The following SUSD6 variants were observed in gnomAD, a reference collection of about 807,000 sequenced individuals.
SUSD6 encodes the protein sushi domain-containing protein 6.
A neutral mutation model predicts 28.4 loss-of-function variants in SUSD6; 16 were observed. That is an observed-to-expected ratio of 0.56 (90% CI 0.38 to 0.86). The LOEUF is 0.86. Among genes scored for constraint, SUSD6 ranks in the 40% least tolerant of loss-of-function variants. The pLI is 0.00. For missense variants in SUSD6, 341 were observed against 384.2 expected (o/e 0.89, Z 0.94); for synonymous variants, 147 against 159.6 (o/e 0.92, Z 0.59).
chr14:69,619,784 CA>C (rs887766709), intron 1 of SUSD6, among the ~76,000 whole-genome samples: 9 of 150,088 alleles, frequency 6.0e-5, no homozygotes, highest in Admixed American at 2.0e-4. Flanking sequence ...AACAAACAAA[CA>C]AAAAAAAACC....
Position 69,644,460 on chromosome 14 carries a change from G to A in SUSD6, c.-80-14053G>A, listed in dbSNP as rs919327202. 8.5e-5 allele frequency among the ~76,000 whole-genome samples: 13 copies of A among 152,204 alleles called. No individual in the cohort carries two copies. In the East Asian group the frequency reaches 2.3e-3, roughly 27 times the overall value. On this transcript the variant is annotated intron_variant, in intron 1 of 5. Coordinates refer to ENST00000342745, the MANE Select transcript of SUSD6 (RefSeq NM_014734.4). The stretch of plus-strand genomic sequence containing the variant: ...AGGTCAAGAGATCGAGACCATCCTG[G>A]CCAACATGGTGAAACCCTGTCTCTT...
intron 1 of SUSD6, chr14:69,617,637 T>C (rs915292193): frequency 6.6e-6 from 1 of 152,250 alleles, no homozygotes; most frequent in Non-Finnish European, 1.5e-5. Flanking sequence ...GGATTTTCAA[T>C]GCGAAGCCTC....
At chr14:69,696,515 G>C (rs958129795) in intron 2 of SUSD6, among the ~76,000 whole-genome samples, 1 of 152,248 alleles carries the variant, frequency 6.6e-6, no homozygotes, top group East Asian at 1.9e-4. Flanking sequence ...TATAAGAAAG[G>C]GTTTTGAGAG....
At chr14:69,682,181 C>G (rs576811821) in intron 2 of SUSD6, among the ~76,000 whole-genome samples, 1 of 152,118 alleles carries the variant, frequency 6.6e-6, no homozygotes, top group Non-Finnish European at 1.5e-5. Context: ...GAAAAAAATT[C>G]TGAAATTTAG....
chr14:69,646,897 T>C (rs1885435914), intron 1 of SUSD6, among the ~76,000 whole-genome samples: 1 of 152,136 alleles, frequency 6.6e-6, no homozygotes, highest in East Asian at 1.9e-4. Flanking sequence ...GAGACGGGGT[T>C]TCACCATGTT....
chr14:69,707,592 C>T (rs1886403778), intron 4 of SUSD6, among the ~76,000 whole-genome samples: 1 of 151,818 alleles, frequency 6.6e-6, no homozygotes, highest in South Asian at 2.1e-4. Flanking sequence ...TCCGTCTCTA[C>T]AAAAAATTGG....
intron 2 of SUSD6, among the ~76,000 whole-genome samples, chr14:69,662,319 G>T (rs1885675121): frequency 6.6e-6 from 1 of 152,146 alleles, no homozygotes; most frequent in Non-Finnish European, 1.5e-5. Flanking sequence ...AGATACCACA[G>T]TCATCATAAT....
At chr14:69,620,019 C>T (rs1325847069) in intron 1 of SUSD6, among the ~76,000 whole-genome samples, 2 of 152,238 alleles carry the variant, frequency 1.3e-5, no homozygotes, top group African/African-American at 4.8e-5. Context: ...CTTTCCCCAT[C>T]CCAGAAAGCC....
rs1035699280 is a variant in SUSD6 at position 69,714,035 on chromosome 14, G to A, written c.*3056G>A. 10 of 152,132 alleles carry A rather than the reference G, an allele frequency of 6.6e-5. No homozygotes were observed. The highest frequency in any genetic ancestry group is 3.9e-4 in the East Asian group (2 of 5,178). 9.4% of individuals were successfully genotyped at this position (152,132 alleles called of 1,614,324 possible). A position where few individuals can be genotyped will look rare whatever the true frequency, so the allele number is the denominator to read the frequency against. ...TCTGTATTTTATGTGCTGTGTTCCCGTTTCACTGGGTATGAACTGTGAAAT... is the reference window on the plus strand; with the variant it reads ...TCTGTATTTTATGTGCTGTGTTCCCATTTCACTGGGTATGAACTGTGAAAT... On this transcript the variant is annotated 3_prime_UTR_variant, in exon 6 of 6. Coordinates refer to ENST00000342745, the MANE Select transcript of SUSD6 (RefSeq NM_014734.4).
chr14:69,629,587 C>T lies in SUSD6; in HGVS notation c.-81+17759C>T, dbSNP rs529248464. Among the ~76,000 whole-genome samples the T allele has an allele frequency of 1.1e-4, 16 of 152,336 alleles. 1 individual carries two copies. In the South Asian group the frequency reaches 2.9e-3, roughly 28 times the overall value. On this transcript the variant is annotated intron_variant, in intron 1 of 5. Transcript: ENST00000342745. Reference sequence around the variant, plus strand: ...TTCCCTCTGAGTGACCTCTGGCTGCCACTCTCTTGCAGATGCTCCTTTTCC... The same window carrying T: ...TTCCCTCTGAGTGACCTCTGGCTGCTACTCTCTTGCAGATGCTCCTTTTCC...
intron 1 of SUSD6, among the ~76,000 whole-genome samples, chr14:69,651,928 A>C (rs2139609704): frequency 6.6e-6 from 1 of 152,318 alleles, no homozygotes; most frequent in African/African-American, 2.4e-5. Flanking sequence ...TATCATTACA[A>C]CCTGAAATGT....
chr14:69,660,375 C>T (rs1376405675), intron 2 of SUSD6, among the ~76,000 whole-genome samples: 1 of 152,208 alleles, frequency 6.6e-6, no homozygotes, highest in African/African-American at 2.4e-5. Context: ...TGACACTTAA[C>T]CCAAGCCTTT....
intron 2 of SUSD6, among the ~76,000 whole-genome samples, chr14:69,676,806 T>C (rs553366220): frequency 5.9e-5 from 9 of 152,350 alleles, no homozygotes; most frequent in African/African-American, 1.7e-4. Context: ...GCTAATAATG[T>C]AGAACAGTTC....
intron 1 of SUSD6, among the ~76,000 whole-genome samples, chr14:69,649,453 G>A (rs1885473207): frequency 1.3e-5 from 2 of 152,184 alleles, no homozygotes; most frequent in African/African-American, 2.4e-5. Flanking sequence ...AGTCGCCTCT[G>A]CCAAGCATCT....
intron 2 of SUSD6, among the ~76,000 whole-genome samples, chr14:69,685,186 T>C (rs1886054530): frequency 6.6e-6 from 1 of 152,182 alleles, no homozygotes; most frequent in Non-Finnish European, 1.5e-5. Flanking sequence ...CCTTTTGTGG[T>C]GGGTGATTTC....
intron 4 of SUSD6, among the ~76,000 whole-genome samples, chr14:69,705,311 C>G (rs559504836): frequency 1.2e-4 from 18 of 150,656 alleles, no homozygotes; most frequent in Non-Finnish European, 2.4e-4. Context: ...GAGTAAGACT[C>G]TGTCCCATTA....
At chr14:69,633,546 G>A (rs1011074113) in intron 1 of SUSD6, among the ~76,000 whole-genome samples, 3 of 152,078 alleles carry the variant, frequency 2.0e-5, no homozygotes, top group Non-Finnish European at 2.9e-5. Flanking sequence ...TTTTTAAGGC[G>A]CTCTTTGATT....
chr14:69,621,767 C>T (rs910359129), intron 1 of SUSD6, among the ~76,000 whole-genome samples: 1 of 152,142 alleles, frequency 6.6e-6, no homozygotes, highest in Non-Finnish European at 1.5e-5. Context: ...TTTGGGGGGG[C>T]AGTTCTACTG....
chr14:69,708,645 T>G, intron 4 of SUSD6, 32 bp from the exon 5 acceptor site: 14 of 1,497,764 alleles, frequency 9.3e-6, no homozygotes, highest in Non-Finnish European at 1.3e-5. Flanking sequence ...TTTATTCTAA[T>G]TCATCCTTTG....
Sources: allele counts gnomAD v4.1 joint callset (sites outside exome capture counted in the v4.1 genomes callset), GRCh38; gene constraint gnomAD v4.1.1; transcripts MANE v1.5; gene names NCBI Gene and HGNC (gene_info 2026-07-23, HGNC 2026-07-21).